Variants in NR6A1 observed in about 807,000 individuals in gnomAD.
NR6A1 encodes nuclear receptor subfamily 6 group A member 1.
In NR6A1, 7 loss-of-function variants were observed where a neutral mutation model predicts 59.1. The ratio of observed to expected loss-of-function variants is 0.12; its 90% CI spans 0.07 to 0.22. The LOEUF (loss-of-function observed/expected upper bound fraction) is 0.22. Ranked by LOEUF, NR6A1 falls within the 10% of genes least tolerant of loss-of-function variation. NR6A1 has a pLI of 1.00. For synonymous variants in NR6A1, 243 were observed against 236.1 expected, an observed-to-expected ratio of 1.03 and a Z score of -0.27; for missense variants, 468 against 611.6, an observed-to-expected ratio of 0.77 and a Z score of 2.48.
At chr9:124,729,192 T>G (rs1839815263) in intron 2 of NR6A1, among the ~76,000 whole-genome samples, 1 of 152,192 alleles carries the variant, frequency 6.6e-6, no homozygotes, top group Non-Finnish European at 1.5e-5. Flanking sequence ...GCTGTTCTAT[T>G]GAGGGAAAGG....
intron 2 of NR6A1, among the ~76,000 whole-genome samples, chr9:124,664,252 A>G (rs1279332852): frequency 6.6e-6 from 1 of 152,256 alleles, no homozygotes; most frequent in Non-Finnish European, 1.5e-5. Context: ...TTTGGAGGAC[A>G]TAAGGCAGTA....
intron 2 of NR6A1, among the ~76,000 whole-genome samples, chr9:124,618,386 G>A (rs538038396): frequency 2.6e-5 from 4 of 152,238 alleles, no homozygotes; most frequent in African/African-American, 9.6e-5. Flanking sequence ...AGGAGGCTGC[G>A]GCAGGAGAAT....
chr9:124,657,617 C>T (rs1035260519), intron 2 of NR6A1, among the ~76,000 whole-genome samples: 1 of 152,182 alleles, frequency 6.6e-6, no homozygotes, highest in African/African-American at 2.4e-5. Context: ...TTCCCAGTGG[C>T]TCAGAAAGAT....
intron 1 of NR6A1, among the ~76,000 whole-genome samples, chr9:124,735,802 G>T (rs781299561): frequency 3.1e-4 from 47 of 152,146 alleles, no homozygotes; most frequent in Non-Finnish European, 6.2e-4. Flanking sequence ...GGTAGATTTG[G>T]TGTCTAGTGA....
intron 2 of NR6A1, chr9:124,598,686 AG>A: frequency 4.2e-6 from 2 of 475,564 alleles, no homozygotes; most frequent in Non-Finnish European, 7.2e-6. Context: ...AGGGAAAGAG[AG>A]GAAAAAAATA....
chr9:124,612,309 A>T (rs1295592033), intron 2 of NR6A1, among the ~76,000 whole-genome samples: 1 of 152,200 alleles, frequency 6.6e-6, no homozygotes, highest in Non-Finnish European at 1.5e-5. Flanking sequence ...GACAAGACTT[A>T]TGCAGACCCT....
At chr9:124,685,944 T>C (rs1838318558) in intron 2 of NR6A1, among the ~76,000 whole-genome samples, 1 of 152,186 alleles carries the variant, frequency 6.6e-6, no homozygotes, top group Admixed American at 6.5e-5. Context: ...GAACACACAT[T>C]TTTAAATAAA....
At chr9:124,684,936 T>G (rs1013829585) in intron 2 of NR6A1, among the ~76,000 whole-genome samples, 2 of 152,228 alleles carry the variant, frequency 1.3e-5, no homozygotes, top group Admixed American at 6.5e-5. Flanking sequence ...TCAGGCAGAT[T>G]TTGACTTGAA....
chr9:124,542,787 G>A (rs1327723385), intron 4 of NR6A1, among the ~76,000 whole-genome samples: 1 of 152,096 alleles, frequency 6.6e-6, no homozygotes, highest in Non-Finnish European at 1.5e-5. Flanking sequence ...TGAACTCCTG[G>A]CCTCAAGCGA....
chr9:124,638,964 A>G (rs944238651), intron 2 of NR6A1, among the ~76,000 whole-genome samples: 5 of 152,224 alleles, frequency 3.3e-5, no homozygotes, highest in Non-Finnish European at 7.3e-5. Flanking sequence ...ATTTTCTAAA[A>G]AGGGAGCTAC....
intron 1 of NR6A1, among the ~76,000 whole-genome samples, chr9:124,747,498 C>A (rs74721543): frequency 2.6e-5 from 4 of 152,254 alleles, no homozygotes; most frequent in Admixed American, 1.3e-4. Flanking sequence ...CCCCTCTCCC[C>A]CAAACTTTCA....
In NR6A1 at chr9:124,544,284, T is replaced by C. The variant is rs888842057; in HGVS notation, c.386-427A>G. 4.6e-5 allele frequency among the ~76,000 whole-genome samples: 7 copies of C among 152,242 alleles called. 1 individual carries two copies. The highest frequency in any genetic ancestry group is 1.5e-5 in the Non-Finnish European group (1 of 68,046). ...ATTTGTAGAATCAGAACAGGTTTTT[T>C]GGTTTTTTTCATTAATCAGAATTTT... On this transcript the variant is annotated intron_variant, in intron 3 of 9. Coordinates refer to ENST00000487099, the MANE Select transcript of NR6A1 (RefSeq NM_033334.4).
At chr9:124,615,494 G>A (rs981170464) in intron 2 of NR6A1, among the ~76,000 whole-genome samples, 5 of 152,108 alleles carry the variant, frequency 3.3e-5, no homozygotes, top group African/African-American at 1.2e-4. Context: ...ACTAGCAAAG[G>A]TTATTATAAT....
At chr9:124,525,730 TTA>T (rs886904348) in intron 8 of NR6A1, among the ~76,000 whole-genome samples, 2 of 152,060 alleles carry the variant, frequency 1.3e-5, no homozygotes, top group African/African-American at 4.8e-5. Flanking sequence ...CACACCTTTT[TTA>T]TATATAGAAT....
In NR6A1 at chr9:124,700,864, G is replaced by C. The variant is rs1319015866; in HGVS notation, c.142+32444C>G. On this transcript the variant is annotated intron_variant, in intron 2 of 9. Transcript: ENST00000487099. ...CAACCTCTACCTCCCAGGCTCAAGC[G>C]ATTCTCCTGTGTCAGCCTCCTGAGT... 6.8e-5 allele frequency among the ~76,000 whole-genome samples: 10 copies of C among 148,016 alleles called. No individual in the cohort carries two copies. The South Asian group carries it at 2.1e-3, about 32-fold the overall frequency.
At chr9:124,691,536 A>C (rs1263261691) in intron 2 of NR6A1, among the ~76,000 whole-genome samples, 1 of 152,182 alleles carries the variant, frequency 6.6e-6, no homozygotes, top group Non-Finnish European at 1.5e-5. Flanking sequence ...TTCATTTTTC[A>C]AATTTTTCAT....
chr9:124,594,525 A>C (rs1564194243), intron 2 of NR6A1, among the ~76,000 whole-genome samples: 1 of 152,202 alleles, frequency 6.6e-6, no homozygotes, highest in Non-Finnish European at 1.5e-5. Context: ...CTTACTTCTT[A>C]AACTACTCCT....
At chr9:124,681,338 C>CTTTTT (rs779847656) in intron 2 of NR6A1, among the ~76,000 whole-genome samples, 24 of 110,782 alleles carry the variant, frequency 2.2e-4, no homozygotes, top group Admixed American at 3.0e-4. Context: ...AACATTTGAG[C>CTTTTT]TTTTTTTTTT....
Position 124,601,025 on chromosome 9 carries a change from C to T in NR6A1, c.143-46455G>A, listed in dbSNP as rs140299307. ...ATGCGGTGGCTCACGCCTGCAATCCCAGCACTTTGGGAGGCCAAGGCGGGT... is the reference window on the plus strand; with the variant it reads ...ATGCGGTGGCTCACGCCTGCAATCCTAGCACTTTGGGAGGCCAAGGCGGGT... On this transcript the variant is annotated intron_variant, in intron 2 of 9. Coordinates refer to ENST00000487099, the MANE Select transcript of NR6A1 (RefSeq NM_033334.4). Among the ~76,000 whole-genome samples the T allele has an allele frequency of 4.9e-3, 745 of 151,904 alleles. 4 individuals carry two copies. Among genetic ancestry groups the T allele is most frequent in the African/African-American group, 0.017 (699 of 41,428 alleles).
Sources: gnomAD v4.1 joint callset for allele counts (sites outside exome capture counted in the v4.1 genomes callset) on GRCh38, gnomAD v4.1.1 for gene constraint, MANE v1.5 for transcripts, NCBI Gene and HGNC (gene_info 2026-07-23, HGNC 2026-07-21) for gene names.